The following DPP6 variants were observed in gnomAD, a reference collection of about 807,000 sequenced individuals.
The protein encoded by DPP6 is dipeptidyl peptidase like 6.
In DPP6, 69 loss-of-function variants were observed where a neutral mutation model predicts 122.6. The ratio of observed to expected loss-of-function variants is 0.56; its 90% confidence interval spans 0.46 to 0.69. DPP6 has a LOEUF of 0.69. DPP6 is among the 30% of genes least tolerant of loss of function. The pLI, the probability that DPP6 is intolerant of heterozygous loss-of-function variation, is 0.00. For synonymous variants in DPP6, 418 were observed against 433.1 expected, an observed-to-expected ratio of 0.97 and a Z score of 0.43; for missense variants, 928 against 1,116.9, an observed-to-expected ratio of 0.83 and a Z score of 2.41.
chr7:154,575,614 T>TGTGTGTG (rs1831602729), intron 5 of DPP6, among the ~76,000 whole-genome samples: 1 of 107,336 alleles, frequency 9.3e-6, no homozygotes, highest in African/African-American at 3.9e-5. Context: ...TGTGTGTATG[T>TGTGTGTG]GTGTGTGGTG....
chr7:154,611,037 G>A (rs1425934844), intron 5 of DPP6, among the ~76,000 whole-genome samples: 4 of 152,072 alleles, frequency 2.6e-5, no homozygotes, highest in Admixed American at 6.6e-5. Flanking sequence ...AGTGTATCTG[G>A]TAACTTGCCT....
rs1801983882 is a variant in DPP6 at position 154,061,851 on chromosome 7, CGCTGGGGGCGGAG to C, written c.243+8791_243+8803del. ...CCCCCTTTGCTCTTAGGATCCCCAT[CGCTGGGGGCGGAG>C]GCACCCCCCGCGAGGCAGGGACTGA... On this transcript the variant is annotated intron_variant, in intron 1 of 25. Coordinates refer to ENST00000377770, the MANE Select transcript of DPP6 (RefSeq NM_130797.4). Among the ~76,000 whole-genome samples, 15 of 131,210 alleles carry C rather than the reference CGCTGGGGGCGGAG, an allele frequency of 1.1e-4. No individual in the cohort carries two copies. In the South Asian group the frequency reaches 2.2e-3, roughly 19 times the overall value. 86.1% of individuals were successfully genotyped at this position (131,210 alleles called of 152,430 possible).
At chr7:153,857,322 T>TTCTCTCTCTCTCTCTCTCTC in the DPP6 span, among the ~76,000 whole-genome samples, 1,983 of 124,330 alleles carry the variant, frequency 0.016, 92 homozygotes, top group African/African-American at 0.024. Context: ...CTCAAAGGTT[T>TTCTCTCTCTCTCTCTCTCTC]TCTCTCTCTC....
chr7:154,395,703 T>G (rs1815022040), intron 1 of DPP6, among the ~76,000 whole-genome samples: 1 of 152,102 alleles, frequency 6.6e-6, no homozygotes, highest in Non-Finnish European at 1.5e-5. Context: ...AACAGATCAT[T>G]TTACTTTTTT....
intron 1 of DPP6, among the ~76,000 whole-genome samples, chr7:153,991,611 C>T (rs373624156): frequency 6.6e-6 from 1 of 152,202 alleles, no homozygotes; most frequent in Non-Finnish European, 1.5e-5. Flanking sequence ...GCTGCACCTG[C>T]CTTTGCATCA....
chr7:154,063,698 G>T (rs992050516), intron 1 of DPP6, among the ~76,000 whole-genome samples: 1 of 124,232 alleles, frequency 8.0e-6, no homozygotes, highest in Non-Finnish European at 1.7e-5. Context: ...GGCACCTCCC[G>T]TGAGGTGGGG....
chr7:154,524,168 T>C (rs1319082429), intron 3 of DPP6, among the ~76,000 whole-genome samples: 1 of 152,256 alleles, frequency 6.6e-6, no homozygotes, highest in African/African-American at 2.4e-5. Context: ...GTTGATATCA[T>C]AGTTATGTTC....
At chr7:154,207,612 C>A (rs1326055683) in intron 1 of DPP6, among the ~76,000 whole-genome samples, 2 of 152,182 alleles carry the variant, frequency 1.3e-5, no homozygotes, top group Admixed American at 6.5e-5. Flanking sequence ...TGCAATGAAT[C>A]AGTTACAGCC....
At chr7:154,272,126 C>G (rs1028911980) in intron 1 of DPP6, among the ~76,000 whole-genome samples, 7 of 152,220 alleles carry the variant, frequency 4.6e-5, no homozygotes, top group African/African-American at 1.7e-4. Flanking sequence ...TGTTCACTTT[C>G]AATTCCCTGG....
chr7:153,771,404 A>G, the DPP6 span, among the ~76,000 whole-genome samples: 1 of 152,176 alleles, frequency 6.6e-6, no homozygotes, highest in African/African-American at 2.4e-5. Flanking sequence ...CAATGGCACG[A>G]TCTGGCCTCA....
intron 7 of DPP6, among the ~76,000 whole-genome samples, chr7:154,726,139 T>C (rs1166114852): frequency 6.6e-6 from 1 of 152,184 alleles, no homozygotes; most frequent in Non-Finnish European, 1.5e-5. Flanking sequence ...CTTTTCCAGA[T>C]GCATGCTGCA....
intron 6 of DPP6, among the ~76,000 whole-genome samples, chr7:154,641,953 G>T (rs1836128981): frequency 1.3e-5 from 2 of 152,138 alleles, no homozygotes; most frequent in African/African-American, 4.8e-5. Context: ...ACAAAACTGT[G>T]AAAAAATTGT....
chr7:154,660,513 G>T (rs1206149175), intron 6 of DPP6, among the ~76,000 whole-genome samples: 1 of 148,426 alleles, frequency 6.7e-6, no homozygotes, highest in South Asian at 2.1e-4. Flanking sequence ...TAGTCATGGT[G>T]AATCACCATG....
chr7:154,042,227 A>G (rs1799803410), intron 1 of DPP6, among the ~76,000 whole-genome samples: 1 of 152,156 alleles, frequency 6.6e-6, no homozygotes, highest in African/African-American at 2.4e-5. Flanking sequence ...ACAGCCTCCC[A>G]GAAAACTTTT....
intron 1 of DPP6, among the ~76,000 whole-genome samples, chr7:153,917,014 C>T (rs1033125127): frequency 2.6e-5 from 4 of 152,178 alleles, no homozygotes; most frequent in Non-Finnish European, 4.4e-5. Context: ...TTTTCACACT[C>T]GCACACTCAT....
At chr7:154,649,694 G>A (rs1023969788) in intron 6 of DPP6, among the ~76,000 whole-genome samples, 2 of 152,176 alleles carry the variant, frequency 1.3e-5, no homozygotes, top group African/African-American at 4.8e-5. Flanking sequence ...TGGCACCTGG[G>A]GCCTCATGGG....
chr7:153,865,684 G>T, the DPP6 span, among the ~76,000 whole-genome samples: 2 of 151,884 alleles, frequency 1.3e-5, no homozygotes, highest in Admixed American at 1.3e-4. Flanking sequence ...TAAGTTTTAG[G>T]GTACATGTGC....
At chr7:153,899,038 C>T (rs560443584) in intron 1 of DPP6, among the ~76,000 whole-genome samples, 51 of 152,292 alleles carry the variant, frequency 3.3e-4, no homozygotes, top group African/African-American at 1.2e-3. Context: ...GGAATTACAG[C>T]CACACACAAA....
At chr7:154,188,440 TA>T (rs1798456967) in intron 1 of DPP6, among the ~76,000 whole-genome samples, 1 of 152,088 alleles carries the variant, frequency 6.6e-6, no homozygotes, top group South Asian at 2.1e-4. Context: ...TACAATCTAG[TA>T]GGGGTGAGGG....
Sources: allele counts gnomAD v4.1 joint callset (sites outside exome capture counted in the v4.1 genomes callset), GRCh38; gene constraint gnomAD v4.1.1; transcripts MANE v1.5; gene names NCBI Gene and HGNC (gene_info 2026-07-23, HGNC 2026-07-21).